Variants in UVRAG observed in about 807,000 individuals in gnomAD.
UVRAG encodes UV radiation resistance associated.
In UVRAG, 19 loss-of-function variants were observed where a neutral mutation model predicts 78.0. That is an observed-to-expected ratio of 0.24 (90% confidence interval 0.17 to 0.36). The LOEUF (loss-of-function observed/expected upper bound fraction) is 0.36. UVRAG is among the 10% of genes least tolerant of loss of function. The pLI is 1.00. For missense variants in UVRAG, 740 were observed against 853.8 expected (o/e 0.87, Z 1.66); for synonymous variants, 323 against 324.6 (o/e 1.00, Z 0.05).
chr11:75,948,131 G>A (rs1430830159), intron 6 of UVRAG, among the ~76,000 whole-genome samples: 1 of 152,100 alleles, frequency 6.6e-6, no homozygotes, highest in African/African-American at 2.4e-5. Context: ...TGATTATTTG[G>A]TGCTAGTACA....
intron 6 of UVRAG, among the ~76,000 whole-genome samples, chr11:75,943,492 C>G (rs531015758): frequency 6.6e-6 from 1 of 152,126 alleles, no homozygotes; most frequent in Non-Finnish European, 1.5e-5. Flanking sequence ...CTAAAATGCA[C>G]ATGGATAGTA....
At chr11:75,870,739 T>TA (rs1011105271) in intron 3 of UVRAG, among the ~76,000 whole-genome samples, 9 of 151,904 alleles carry the variant, frequency 5.9e-5, no homozygotes, top group African/African-American at 1.7e-4. Context: ...GTTGGATCTT[T>TA]AAAAAAAATA....
At chr11:76,017,677 G>C (rs1019905637) in intron 12 of UVRAG, among the ~76,000 whole-genome samples, 1 of 152,120 alleles carries the variant, frequency 6.6e-6, no homozygotes, top group Non-Finnish European at 1.5e-5. Context: ...AAGATTGATA[G>C]TAAGACTGAA....
intron 1 of UVRAG, among the ~76,000 whole-genome samples, chr11:75,820,984 T>C (rs780255538): frequency 2.9e-4 from 44 of 152,322 alleles, no homozygotes; most frequent in Non-Finnish European, 5.7e-4. Context: ...AAGTATACAA[T>C]ATAGTGGCAT....
chr11:75,974,304 G>A (rs1949185927), intron 7 of UVRAG, among the ~76,000 whole-genome samples: 1 of 150,468 alleles, frequency 6.6e-6, no homozygotes, highest in Non-Finnish European at 1.5e-5. Flanking sequence ...CTGATGGCCA[G>A]TGATGATGAG....
chr11:76,018,536 G>A (rs1950187390), intron 12 of UVRAG, among the ~76,000 whole-genome samples: 1 of 152,074 alleles, frequency 6.6e-6, no homozygotes, highest in African/African-American at 2.4e-5. Flanking sequence ...AGCCTCCCGA[G>A]TAGCTGGGAA....
chr11:76,110,602 G>T (rs1459816398), intron 13 of UVRAG, among the ~76,000 whole-genome samples: 2 of 152,176 alleles, frequency 1.3e-5, no homozygotes, highest in African/African-American at 4.8e-5. Flanking sequence ...TGCGTATGGG[G>T]AGGAGTTTAG....
intron 12 of UVRAG, among the ~76,000 whole-genome samples, chr11:76,055,373 G>A (rs546297509): frequency 5.9e-5 from 9 of 152,220 alleles, no homozygotes; most frequent in Admixed American, 4.6e-4. Context: ...TTTACTATTA[G>A]CTAAACCTTT....
chr11:75,914,272 A>G (rs1320789082), intron 6 of UVRAG: 3 of 152,190 alleles, frequency 2.0e-5, no homozygotes, highest in African/African-American at 7.2e-5. Context: ...TTGTGTGCCT[A>G]TTGAATTAAA....
At chr11:75,860,655 AC>A (rs1451159052) in intron 2 of UVRAG, among the ~76,000 whole-genome samples, 2 of 152,264 alleles carry the variant, frequency 1.3e-5, no homozygotes, top group Non-Finnish European at 2.9e-5. Flanking sequence ...AACAATACTT[AC>A]GGTTTCATAG....
intron 13 of UVRAG, among the ~76,000 whole-genome samples, chr11:76,073,367 T>G (rs1381014294): frequency 1.3e-5 from 2 of 152,174 alleles, no homozygotes; most frequent in African/African-American, 4.8e-5. Context: ...ACTTAAGTAT[T>G]TGGCAAACAT....
At chr11:75,995,265 A>G (rs1030783600) in intron 8 of UVRAG, among the ~76,000 whole-genome samples, 1 of 151,250 alleles carries the variant, frequency 6.6e-6, no homozygotes, top group African/African-American at 2.4e-5. Context: ...GGAATGACCT[A>G]TTAGAATTCT....
chr11:75,972,928 T>G (rs1949153146), intron 7 of UVRAG, among the ~76,000 whole-genome samples: 1 of 152,220 alleles, frequency 6.6e-6, no homozygotes, highest in African/African-American at 2.4e-5. Flanking sequence ...GTTTTTTTGT[T>G]TTGTTTGTCA....
At chr11:75,836,946 T>C (rs1366649028) in intron 1 of UVRAG, among the ~76,000 whole-genome samples, 11 of 152,120 alleles carry the variant, frequency 7.2e-5, no homozygotes, top group Admixed American at 7.2e-4. Flanking sequence ...CTAATCAAGC[T>C]TTTCTAAAAT....
chr11:75,897,996 G>C (rs1418369942), intron 5 of UVRAG, among the ~76,000 whole-genome samples: 1 of 149,940 alleles, frequency 6.7e-6, no homozygotes, highest in Non-Finnish European at 1.5e-5. Context: ...AGCCTCCCGA[G>C]TGGCTGGGAT....
chr11:76,137,701 C>G (rs529774987), intron 14 of UVRAG: 1 of 346,174 alleles, frequency 2.9e-6, no homozygotes, highest in Admixed American at 3.8e-5. Flanking sequence ...GAGTTTGAGA[C>G]CAGTGTGTGC....
intron 4 of UVRAG, among the ~76,000 whole-genome samples, chr11:75,887,201 A>G (rs761175885): frequency 2.0e-5 from 3 of 152,018 alleles, no homozygotes; most frequent in Non-Finnish European, 1.5e-5. Context: ...GCTGGAGTGC[A>G]GCGGCGTGCT....
chr11:75,974,933 T>C (rs1371948856), intron 7 of UVRAG, among the ~76,000 whole-genome samples: 1 of 152,226 alleles, frequency 6.6e-6, no homozygotes, highest in Non-Finnish European at 1.5e-5. Flanking sequence ...TTTGGTGTTT[T>C]AGACATGAAG....
At position 76,126,058 on chromosome 11, in the gene UVRAG, C is replaced by T. The variant is rs60929415; in HGVS notation, c.1397+10043C>T. On this transcript the variant is annotated intron_variant, in intron 14 of 14. Transcript: ENST00000356136. ...TCCGCCTCCCGGGTTCACGCCATTCCCCTGCCTCAGCCTCCCGGGCAGCTG... is the reference window on the plus strand; with the variant it reads ...TCCGCCTCCCGGGTTCACGCCATTCTCCTGCCTCAGCCTCCCGGGCAGCTG... Among the ~76,000 whole-genome samples the T allele has an allele frequency of 4.4e-3, 670 of 151,772 alleles. 2 individuals are homozygous for T. Among genetic ancestry groups the T allele is most frequent in the African/African-American group, 0.015 (631 of 41,354 alleles).
Sources: gnomAD v4.1 joint callset for allele counts (sites outside exome capture counted in the v4.1 genomes callset) on GRCh38, gnomAD v4.1.1 for gene constraint, MANE v1.5 for transcripts, NCBI Gene and HGNC (gene_info 2026-07-23, HGNC 2026-07-21) for gene names.